Variants in RALGPS1 observed in about 807,000 individuals in gnomAD.
RALGPS1 encodes the protein Ral GEF with PH domain and SH3 binding motif 1, also known as ras-specific guanine nucleotide-releasing factor RalGPS1.
Under a neutral mutation model 78.8 loss-of-function variants are expected in RALGPS1, and 19 were observed. The observed-to-expected ratio is 0.24, with a 90% CI of 0.17 to 0.35. The LOEUF (loss-of-function observed/expected upper bound fraction) is 0.35. RALGPS1 is among the 10% of genes least tolerant of loss of function. The pLI is 1.00. For missense variants in RALGPS1, 454 were observed against 688.3 expected (o/e 0.66, Z 3.81); for synonymous variants, 228 against 256.3 (o/e 0.89, Z 1.06).
intron 1 of RALGPS1, among the ~76,000 whole-genome samples, chr9:126,925,373 C>A (rs890376074): frequency 3.3e-5 from 5 of 151,044 alleles, no homozygotes; most frequent in African/African-American, 1.2e-4. Context: ...ATGGTGAAAC[C>A]CCCTCTTCAC....
At chr9:127,140,759 A>G (rs569223356) in intron 8 of RALGPS1, among the ~76,000 whole-genome samples, 1 of 152,352 alleles carries the variant, frequency 6.6e-6, no homozygotes, top group East Asian at 1.9e-4. Context: ...AAAATCTGGT[A>G]GAGACATTTA....
chr9:127,018,391 A>T (rs189325629), intron 4 of RALGPS1, among the ~76,000 whole-genome samples: 4 of 151,774 alleles, frequency 2.6e-5, no homozygotes, highest in Admixed American at 2.6e-4. Context: ...TAATCCCAAC[A>T]CTTTGGGAGG....
At chr9:127,088,727 G>C (rs1222562570) in intron 8 of RALGPS1, 1 of 604,430 alleles carries the variant, frequency 1.7e-6, no homozygotes, top group East Asian at 2.8e-5. Flanking sequence ...GACATGAGGG[G>C]CTGTCTGGTG....
chr9:127,092,244 G>A (rs1315925415), intron 8 of RALGPS1, among the ~76,000 whole-genome samples: 2 of 152,210 alleles, frequency 1.3e-5, no homozygotes, highest in African/African-American at 4.8e-5. Flanking sequence ...TGTGGCAGGT[G>A]GAGGGCCTGG....
At chr9:126,929,123 A>G (rs896071898) in intron 1 of RALGPS1, among the ~76,000 whole-genome samples, 3 of 152,238 alleles carry the variant, frequency 2.0e-5, no homozygotes, top group Non-Finnish European at 4.4e-5. Context: ...CTCTGTAGAT[A>G]TCTCCACTGG....
chr9:127,014,811 TC>T (rs1182968958), intron 4 of RALGPS1, among the ~76,000 whole-genome samples: 1 of 152,136 alleles, frequency 6.6e-6, no homozygotes, highest in Non-Finnish European at 1.5e-5. Context: ...GTTTGTCCAC[TC>T]CCTGGTCTCC....
At chr9:126,959,184 C>T (rs1050343098) in intron 1 of RALGPS1, among the ~76,000 whole-genome samples, 1 of 151,916 alleles carries the variant, frequency 6.6e-6, no homozygotes, top group East Asian at 1.9e-4. Context: ...GCCTCAGCCT[C>T]CTAAGTAGCT....
chr9:127,084,909 A>C (rs978096944), intron 8 of RALGPS1, among the ~76,000 whole-genome samples: 1 of 152,230 alleles, frequency 6.6e-6, no homozygotes, highest in African/African-American at 2.4e-5. Context: ...TAATCTAGTC[A>C]TGTGGGTTTC....
chr9:127,079,377 T>C (rs2050965219), intron 8 of RALGPS1, among the ~76,000 whole-genome samples: 1 of 152,244 alleles, frequency 6.6e-6, no homozygotes, highest in African/African-American at 2.4e-5. Context: ...GGATGTTTCA[T>C]GTAGTAGACA....
At chr9:127,120,821 C>T (rs2055988600) in intron 8 of RALGPS1, among the ~76,000 whole-genome samples, 1 of 150,654 alleles carries the variant, frequency 6.6e-6, no homozygotes, top group African/African-American at 2.4e-5. Flanking sequence ...GAGCGAGACT[C>T]CATCTCAAAA....
chr9:126,941,779 C>G (rs951148031), intron 1 of RALGPS1, among the ~76,000 whole-genome samples: 3 of 152,232 alleles, frequency 2.0e-5, no homozygotes, highest in Non-Finnish European at 4.4e-5. Flanking sequence ...TGATCTCCCT[C>G]ACCTTTTTAT....
At chr9:127,030,649 A>G (rs2046350504) in intron 4 of RALGPS1, among the ~76,000 whole-genome samples, 1 of 151,906 alleles carries the variant, frequency 6.6e-6, no homozygotes. Context: ...TTTTATTGTT[A>G]TTAATATTAA....
intron 4 of RALGPS1, among the ~76,000 whole-genome samples, chr9:127,010,754 A>G (rs539815376): frequency 6.6e-6 from 1 of 152,346 alleles, no homozygotes; most frequent in African/African-American, 2.4e-5. Flanking sequence ...TGGCCTCAAA[A>G]TCATCCACGT....
chr9:127,134,703 G>T (rs771836241), intron 8 of RALGPS1, among the ~76,000 whole-genome samples: 3 of 152,194 alleles, frequency 2.0e-5, no homozygotes, highest in Non-Finnish European at 4.4e-5. Context: ...TGTTGTTGTT[G>T]TTTTTTACTG....
chr9:126,953,311 A>G (rs549501398), intron 1 of RALGPS1, among the ~76,000 whole-genome samples: 1 of 152,094 alleles, frequency 6.6e-6, no homozygotes, highest in Admixed American at 6.5e-5. Flanking sequence ...TTTCTCCTGC[A>G]GTGTTTTGGT....
chr9:127,095,123 G>T (rs1281160), intron 8 of RALGPS1, among the ~76,000 whole-genome samples: 3,584 of 152,338 alleles, frequency 0.024, 47 homozygotes, highest in Middle Eastern at 0.051. Flanking sequence ...ATAGGGCCGG[G>T]CACGGTGGCT....
At chr9:127,112,429 C>T (rs1457376614) in intron 8 of RALGPS1, among the ~76,000 whole-genome samples, 2 of 152,222 alleles carry the variant, frequency 1.3e-5, no homozygotes, top group Non-Finnish European at 2.9e-5. Flanking sequence ...CCTCTCTGTG[C>T]CCATGTGGGC....
At chr9:127,217,501 A>C in intron 18 of RALGPS1, 1 of 932,032 alleles carries the variant, frequency 1.1e-6, no homozygotes, top group Non-Finnish European at 1.3e-6. Flanking sequence ...TGCATGTCCT[A>C]AACTTGTTTT....
In RALGPS1 at chr9:127,069,084, G is replaced by T. The variant is rs559885938; in HGVS notation, c.484-146G>T. 24 of 796,004 alleles carry T rather than the reference G, an allele frequency of 3.0e-5. No homozygotes were observed. In the African/African-American group the frequency reaches 4.3e-4, roughly 14 times the overall value. The allele number at this position is 796,004 out of a possible 1,614,324, so 49.3% of individuals were successfully genotyped here. A position where few individuals can be genotyped will look rare whatever the true frequency, so the allele number is the denominator to read the frequency against. On this transcript the variant is annotated intron_variant, in intron 7 of 18. Transcript: ENST00000259351. ...CCTCCTTCTTCATATGCACGAAACAGCCTTTTAAAATCCTTAGTTCTGTCC... is the reference window on the plus strand; with the variant it reads ...CCTCCTTCTTCATATGCACGAAACATCCTTTTAAAATCCTTAGTTCTGTCC...
Sources: gnomAD v4.1 joint callset for allele counts (sites outside exome capture counted in the v4.1 genomes callset) on GRCh38, gnomAD v4.1.1 for gene constraint, MANE v1.5 for transcripts, NCBI Gene and HGNC (gene_info 2026-07-23, HGNC 2026-07-21) for gene names.